TCAF2: variants seen among roughly 807,000 people sequenced by gnomAD.
The protein encoded by TCAF2 is TRPM8 channel associated factor 2.
A neutral mutation model predicts 33.9 loss-of-function variants in TCAF2; 6 were observed. That is an observed-to-expected ratio of 0.18 (90% confidence interval 0.10 to 0.35). The LOEUF is 0.35. TCAF2 is among the 10% of genes least tolerant of loss of function. The pLI, the probability that TCAF2 is intolerant of heterozygous loss-of-function variation, is 1.00. For missense variants in TCAF2, 109 were observed against 604.0 expected (o/e 0.18, Z 8.59); for synonymous variants, 41 against 247.8 (o/e 0.17, Z 7.84).
At chr7:143,725,083 AGTTTT>A (rs978972454) in intron 7 of TCAF2, 1 of 200,124 alleles carries the variant, frequency 5.0e-6, no homozygotes, top group Non-Finnish European at 8.8e-6. Flanking sequence ...TGCTTTGTTT[AGTTTT>A]GTTTTATTTC....
chr7:143,648,550 G>A (rs1348071993), intron 1 of TCAF2, among the ~76,000 whole-genome samples: 1 of 125,806 alleles, frequency 7.9e-6, no homozygotes, highest in African/African-American at 2.7e-5. Context: ...CCGTAGGGTA[G>A]TTCTGATCTA....
chr7:143,718,353 C>G (rs1287956803), intron 2 of TCAF2, among the ~76,000 whole-genome samples: 1 of 144,782 alleles, frequency 6.9e-6, no homozygotes, highest in African/African-American at 2.5e-5. Context: ...TTTTTTTAAA[C>G]AAAGATATTT....
chr7:143,719,436 A>AGAAAGAAAGAAAGAAAGAAAGAAAGAAG (rs1809442702), intron 2 of TCAF2, among the ~76,000 whole-genome samples: 1 of 129,970 alleles, frequency 7.7e-6, no homozygotes, highest in African/African-American at 2.9e-5. Flanking sequence ...AAAGAAAGAA[A>AGAAAGAAAGAAAGAAAGAAAGAAAGAAG]GAAAGACTAA....
chr7:143,718,414 A>AT lies in TCAF2; in HGVS notation c.624-1261dup, dbSNP rs999585428. Among the ~76,000 whole-genome samples the AT allele has an allele frequency of 4.0e-5, 6 of 150,000 alleles. No homozygotes were observed. The South Asian group carries it at 8.5e-4, about 21-fold the overall frequency. ...TCTATGTCTGGTTTCTTGGTTTTTTATTTTTTTTACCCCAAAATTTGGCTT... is the reference window on the plus strand; with the variant it reads ...TCTATGTCTGGTTTCTTGGTTTTTTATTTTTTTTTACCCCAAAATTTGGCTT... On this transcript the variant is annotated intron_variant, in intron 2 of 7. Transcript: ENST00000684770.
At chr7:143,647,897 T>TTTCTTTC (rs764678570) in intron 1 of TCAF2, among the ~76,000 whole-genome samples, 12 of 123,696 alleles carry the variant, frequency 9.7e-5, no homozygotes, top group East Asian at 3.0e-4. Flanking sequence ...TCTTTCTTTC[T>TTTCTTTC]TTTCTTTCTT....
rs1432156921 is a variant in TCAF2 at position 143,720,939 on chromosome 7, C to T, written c.1615+265C>T. The T allele has an allele frequency of 5.8e-6, 2 of 342,450 alleles. 1 individual carries two copies. The highest frequency in any genetic ancestry group is 1.0e-5 in the Non-Finnish European group (2 of 192,544). The allele number at this position is 342,450 out of a possible 1,614,324, so 21.2% of individuals were successfully genotyped here. On this transcript the variant is annotated intron_variant, in intron 3 of 7. Coordinates refer to ENST00000684770, the MANE Select transcript of TCAF2 (RefSeq NM_001363538.2). ...GGACTACAGGCACACGCCACCATGC[C>T]TGGCTAATTTTTGTATTTTTAGTAG...
In TCAF2 at chr7:143,720,152, TG is replaced by T; in HGVS notation, c.1095del (p.Trp365CysfsTer45). The T allele has an allele frequency of 6.8e-7, 1 of 1,468,312 alleles. No homozygotes were observed. Among genetic ancestry groups the T allele is most frequent in the Non-Finnish European group, 9.4e-7 (1 of 1,066,648 alleles). 91.0% of individuals were successfully genotyped at this position (1,468,312 alleles called of 1,614,324 possible). ...GCTGCTGATTGGGGGCCAGGCCTGG[TG>T]GTGGGCCTCCCAGAACCCTGGCCAC... Reference protein sequence around the residue: ...GGLLIGGQAWWWASQNPGHCP... With the variant: ...GGLLIGGQAWXWASQNPGHCP... On this transcript the variant is annotated frameshift_variant, in exon 3 of 8. Coordinates refer to ENST00000684770, the MANE Select transcript of TCAF2 (RefSeq NM_001363538.2). LOFTEE classifies it high-confidence loss of function.
rs113237375 is a variant in TCAF2, at chr7:143,712,478, A to G, written c.624-7205A>G. Among the ~76,000 whole-genome samples, 18 of 103,026 alleles carry G rather than the reference A, an allele frequency of 1.7e-4. 1 individual carries two copies. Among genetic ancestry groups the G allele is most frequent in the African/African-American group, 5.0e-4 (16 of 31,880 alleles). 67.6% of individuals were successfully genotyped at this position (103,026 alleles called of 152,430 possible). Reference sequence around the variant, plus strand: ...TGGGAATCCAAGGCTGCAGTGTGCTATAATTGCACCTGCAAATACGCATTG... The same window carrying G: ...TGGGAATCCAAGGCTGCAGTGTGCTGTAATTGCACCTGCAAATACGCATTG... On this transcript the variant is annotated intron_variant, in intron 2 of 7. Transcript: ENST00000684770.
rs1279009880 is a variant in TCAF2 at position 143,707,329 on chromosome 7, CAAA to C, written c.623+3728_623+3730del. ...TGGGCAACAGACTGAGACTCTGTCT[CAAA>C]AAAAAAAAAAAAAAAGTGTTAACAT... On this transcript the variant is annotated intron_variant, in intron 2 of 7. Transcript: ENST00000684770. Among the ~76,000 whole-genome samples, 15 of 31,148 alleles carry C rather than the reference CAAA, an allele frequency of 4.8e-4. 1 individual carries two copies. In the Admixed American group the frequency reaches 6.7e-3, roughly 14 times the overall value. The allele number at this position is 31,148 out of a possible 152,430, so 20.4% of individuals were successfully genotyped here. A position where few individuals can be genotyped will look rare whatever the true frequency, so the allele number is the denominator to read the frequency against.
At position 143,730,130 on chromosome 7, in the gene TCAF2, G is replaced by T. The variant is rs542482108; in HGVS notation, c.*2463G>T. 2 of 152,176 alleles carry T rather than the reference G, an allele frequency of 1.3e-5. No individual in the cohort carries two copies. The highest frequency in any genetic ancestry group is 2.9e-5 in the Non-Finnish European group (2 of 68,006). The allele number at this position is 152,176 out of a possible 1,614,324, so 9.4% of individuals were successfully genotyped here. ...TCCTTTGGGTGTATATCCAGTAATG[G>T]GATTGCTGGGTCAAATGGTATTTCT... On this transcript the variant is annotated 3_prime_UTR_variant, in exon 8 of 8. Transcript: ENST00000684770.
Position 143,724,601 on chromosome 7 carries a change from C to A in TCAF2, c.2409C>A (p.Ser803Arg), listed in dbSNP as rs1809618053. ...GGGCTCAGGCCCACGAGGCTCTGAGCCCTCCAGAGCGAGAGAGGAGAATCA... is the reference window on the plus strand; with the variant it reads ...GGGCTCAGGCCCACGAGGCTCTGAGACCTCCAGAGCGAGAGAGGAGAATCA... ...IPRAQAHEAL[S>R]PPERERRIKA... The change falls in exon 7 of 8, where the codon AGC becomes AGA. Residue 803 changes from serine (S) to arginine (R), a missense_variant. Physicochemically the swap from Ser to Arg is moderately radical, Grantham distance 110 (BLOSUM62 -1). Coordinates refer to ENST00000684770, the MANE Select transcript of TCAF2 (RefSeq NM_001363538.2). 6.2e-7 allele frequency: 1 copy of A among 1,610,708 alleles called. No homozygotes were observed. Among genetic ancestry groups the A allele is most frequent in the African/African-American group, 1.3e-5 (1 of 74,286 alleles).
rs1282832314 is a variant in TCAF2, at chr7:143,728,293, C to G, written c.*626C>G. 1 of 157,740 alleles carries G rather than the reference C, an allele frequency of 6.3e-6. No individual in the cohort carries two copies. The highest frequency in any genetic ancestry group is 1.4e-5 in the Non-Finnish European group (1 of 71,204). The allele number at this position is 157,740 out of a possible 1,614,324, so 9.8% of individuals were successfully genotyped here. ...TGCTGAATCTCACTTCAGTGTTGAC[C>G]CCCTTGGGGTTAGCATTCAGTCCTT... On this transcript the variant is annotated 3_prime_UTR_variant, in exon 8 of 8. Coordinates refer to ENST00000684770, the MANE Select transcript of TCAF2 (RefSeq NM_001363538.2).
rs558506518 is a variant in TCAF2, at chr7:143,622,578, CTTTATTTTAT to C, written c.-12+1582_-12+1591del. 5.2e-4 allele frequency among the ~76,000 whole-genome samples: 19 copies of C among 36,782 alleles called. 4 individuals are homozygous for C. The highest frequency in any genetic ancestry group is 1.1e-3 in the African/African-American group (15 of 13,890). 24.1% of individuals were successfully genotyped at this position (36,782 alleles called of 152,430 possible). On this transcript the variant is annotated intron_variant, in intron 1 of 7. Transcript: ENST00000684770. The stretch of plus-strand genomic sequence containing the variant: ...CTTTGCTTTATTTTATTTTACTTTA[CTTTATTTTAT>C]TTTATTTTATTTTATTTTATTTTTT...
Position 143,724,586 on chromosome 7 carries a change from C to T in TCAF2, c.2394C>T (p.Ala798=), listed in dbSNP as rs762716124. The T allele has an allele frequency of 3.1e-6, 5 of 1,610,980 alleles. No homozygotes were observed. The South Asian group carries it at 5.5e-5, about 18-fold the overall frequency. ...ETVLGIPRAQ[A]HEALSPPERE... ...TCCTGGGGATCCCCAGGGCTCAGGC[C>T]CACGAGGCTCTGAGCCCTCCAGAGC... The change falls in exon 7 of 8, where the codon GCC becomes GCT. Residue 798 remains alanine, a synonymous_variant. Transcript: ENST00000684770.
At chr7:143,724,725 G>C (rs752851778) in intron 7 of TCAF2, 28 bp downstream of exon 7, 1 of 1,581,240 alleles carries the variant, frequency 6.3e-7, no homozygotes, top group Non-Finnish European at 8.6e-7. Context: ...TGGGAGAAGG[G>C]GATGACCAGA....
chr7:143,720,869 T>C, intron 3 of TCAF2, 195 bp downstream of exon 3: 1 of 711,028 alleles, frequency 1.4e-6, no homozygotes, highest in Non-Finnish European at 2.0e-6. Context: ...AACCTCCACC[T>C]CCTGGGTTTA....
chr7:143,709,947 AT>A (rs1809293174), intron 2 of TCAF2, among the ~76,000 whole-genome samples: 1 of 76,364 alleles, frequency 1.3e-5, no homozygotes, highest in Non-Finnish European at 2.9e-5. Context: ...AGTATGTGTT[AT>A]TTTTCTGGTA....
intron 2 of TCAF2, among the ~76,000 whole-genome samples, chr7:143,707,376 C>G (rs1468336486): frequency 1.9e-5 from 1 of 53,200 alleles, no homozygotes; most frequent in Non-Finnish European, 3.4e-5. Context: ...AAATAAAACC[C>G]AAATATTTTG....
Position 143,724,515 on chromosome 7 carries a change from A to G in TCAF2, c.2323A>G (p.Thr775Ala). Residue 775 changes from threonine to alanine, a missense_variant, in exon 7 of 8, where the codon ACT (threonine) becomes GCT (alanine). Physicochemically the swap from Thr to Ala is moderately conservative, Grantham distance 58. Coordinates refer to ENST00000684770, the MANE Select transcript of TCAF2 (RefSeq NM_001363538.2). ...TGGATGGGAGTTCCCCCCACACACT[A>G]CTGAGGCCACCTGTAACCTTTGGTC... ...RHGWEFPPHT[T>A]EATCNLWSVY... is the part of the protein sequence containing the mutation. 3 of 1,611,036 alleles carry G rather than the reference A, an allele frequency of 1.9e-6. No homozygotes were observed. Among genetic ancestry groups the G allele is most frequent in the Non-Finnish European group, 2.5e-6 (3 of 1,179,498 alleles).
Sources: gnomAD v4.1 joint callset for allele counts (sites outside exome capture counted in the v4.1 genomes callset) on GRCh38, gnomAD v4.1.1 for gene constraint, MANE v1.5 for transcripts, NCBI Gene and HGNC (gene_info 2026-07-23, HGNC 2026-07-21) for gene names.